Variants in KDM2A observed in about 807,000 individuals in gnomAD.
KDM2A encodes the protein lysine demethylase 2A.
Under a neutral mutation model 137.3 loss-of-function variants are expected in KDM2A, and 3 were observed. That is an observed-to-expected ratio of 0.02 (90% CI 0.01 to 0.06). The LOEUF (loss-of-function observed/expected upper bound fraction) is 0.06, where lower values mean the gene tolerates loss of function less well. KDM2A is among the 10% of genes least tolerant of loss of function. The probability of loss-of-function intolerance (pLI) is 1.00; values close to 1 mark genes in which losing one functional copy is unlikely to be tolerated. For synonymous variants in KDM2A, 512 were observed against 541.5 expected (o/e 0.95, Z 0.76); for missense variants, 738 against 1,510.6 (o/e 0.49, Z 8.48).
At chr11:67,139,530 C>T (rs1856046712) in intron 2 of KDM2A, among the ~76,000 whole-genome samples, 1 of 152,120 alleles carries the variant, frequency 6.6e-6, no homozygotes. Flanking sequence ...CAGGCGTGAG[C>T]CACTGCACCC....
chr11:67,203,470 A>T (rs547068085), intron 5 of KDM2A, among the ~76,000 whole-genome samples: 69 of 147,586 alleles, frequency 4.7e-4, no homozygotes, highest in East Asian at 1.6e-3. Context: ...TTAATTATTA[A>T]TAATTATTAA....
At chr11:67,252,073 A>G (rs992022873) in intron 17 of KDM2A, among the ~76,000 whole-genome samples, 11 of 152,200 alleles carry the variant, frequency 7.2e-5, no homozygotes, top group African/African-American at 1.7e-4. Context: ...AGCCAGGCCT[A>G]TCCCTTTCAG....
Position 67,214,361 on chromosome 11 carries a change from C to T in KDM2A, c.487-979C>T, listed in dbSNP as rs530193916. On this transcript the variant is annotated intron_variant, in intron 6 of 20. Coordinates refer to ENST00000529006, the MANE Select transcript of KDM2A (RefSeq NM_012308.3). The stretch of plus-strand genomic sequence containing the variant: ...CTGGGACTACGGGCGCCCGCCACCA[C>T]GCCTGGCTAATTTTTTGTATTTTTA... 1.0e-2 allele frequency among the ~76,000 whole-genome samples: 1,520 copies of T among 152,182 alleles called. 9 individuals are homozygous for T. The highest frequency in any genetic ancestry group is 0.014 in the Non-Finnish European group (956 of 68,004).
chr11:67,127,516 T>G (rs995290331), intron 2 of KDM2A, among the ~76,000 whole-genome samples: 1 of 152,120 alleles, frequency 6.6e-6, no homozygotes, highest in Admixed American at 6.6e-5. Flanking sequence ...TAAAAGATGT[T>G]ATTATCGCAT....
intron 12 of KDM2A, among the ~76,000 whole-genome samples, chr11:67,237,606 TTTTG>T (rs758631016): frequency 1.3e-4 from 20 of 152,050 alleles, no homozygotes; most frequent in Admixed American, 3.9e-4. Flanking sequence ...CAACTCAGCT[TTTTG>T]TTTGTTTGTT....
intron 10 of KDM2A, among the ~76,000 whole-genome samples, chr11:67,224,319 G>C (rs1285812161): frequency 6.6e-6 from 1 of 152,132 alleles, no homozygotes; most frequent in Non-Finnish European, 1.5e-5. Context: ...AAAGAAAGCT[G>C]TATGGCCAGA....
At chr11:67,223,260 A>G (rs1454873342) in intron 10 of KDM2A, among the ~76,000 whole-genome samples, 1 of 152,072 alleles carries the variant, frequency 6.6e-6, no homozygotes, top group Non-Finnish European at 1.5e-5. Flanking sequence ...ATGCGGCATA[A>G]GTAAAAAGCA....
chr11:67,234,189 C>T (rs1411002434), intron 12 of KDM2A, among the ~76,000 whole-genome samples: 3 of 152,178 alleles, frequency 2.0e-5, no homozygotes, highest in Admixed American at 2.0e-4. Context: ...GCTTGAATAC[C>T]TTGAGAATCT....
chr11:67,178,046 A>C (rs999746113), intron 2 of KDM2A, among the ~76,000 whole-genome samples: 2 of 152,204 alleles, frequency 1.3e-5, no homozygotes, highest in Non-Finnish European at 2.9e-5. Context: ...CTTGCAGTAT[A>C]AGCAACATTT....
intron 10 of KDM2A, among the ~76,000 whole-genome samples, chr11:67,224,937 G>A (rs1590803864): frequency 6.9e-6 from 1 of 144,198 alleles, no homozygotes; most frequent in South Asian, 2.2e-4. Flanking sequence ...CACCTCCCAG[G>A]TTCAAACAAT....
chr11:67,250,310 G>T lies in KDM2A; in HGVS notation c.2280G>T (p.Arg760=). The T allele has an allele frequency of 1.2e-6, 2 of 1,613,934 alleles. No individual in the cohort carries two copies. Among genetic ancestry groups the T allele is most frequent in the Non-Finnish European group, 1.7e-6 (2 of 1,179,898 alleles). Reference sequence around the variant, plus strand: ...GCCGCGATGAGCGCTTCAAACGGCGGCAGTTGCTGCGGCTGCAGGCCACAG... The same window carrying T: ...GCCGCGATGAGCGCTTCAAACGGCGTCAGTTGCTGCGGCTGCAGGCCACAG... ...SASRDERFKR[R]QLLRLQATER... Residue 760 remains arginine (R), a synonymous_variant, in exon 17 of 21, where the codon CGG becomes CGT. Coordinates refer to ENST00000529006, the MANE Select transcript of KDM2A (RefSeq NM_012308.3). This position sits in a 1 kb window ranked among gnomAD's most constrained non-coding sequence, Gnocchi z 7.1.
Position 67,254,993 on chromosome 11 carries a change from G to T in KDM2A, c.3427G>T (p.Asp1143Tyr), listed in dbSNP as rs1257214843. 6.2e-7 allele frequency: 1 copy of T among 1,613,582 alleles called. No homozygotes were observed. Among genetic ancestry groups the T allele is most frequent in the South Asian group, 1.1e-5 (1 of 90,976 alleles). Residue 1143 changes from aspartate to tyrosine, a missense_variant, in exon 21 of 21, where the codon GAC becomes TAC. Asp to Tyr is a radical substitution (Grantham distance 160). This residue lies in a region of KDM2A where 166 missense variants were observed against 324.0 expected (regional missense o/e 0.51). Coordinates refer to ENST00000529006, the MANE Select transcript of KDM2A (RefSeq NM_012308.3). The surrounding 1 kb of genome is among the most constrained non-coding windows in gnomAD (Gnocchi z 4.7). ...AAAAGCCTGCGAGCACTTCATCTCAGACTTGTCCATCAACAGCCTCTACTG... is the reference window on the plus strand; with the variant it reads ...AAAAGCCTGCGAGCACTTCATCTCATACTTGTCCATCAACAGCCTCTACTG... ...TRKACEHFIS[D>Y]LSINSLYCLS...
At chr11:67,170,706 C>T (rs1254492731) in intron 2 of KDM2A, among the ~76,000 whole-genome samples, 5 of 152,116 alleles carry the variant, frequency 3.3e-5, no homozygotes, top group Non-Finnish European at 5.9e-5. Flanking sequence ...AGCCACCGCA[C>T]CTGGCCCAAG....
At chr11:67,218,775 T>C (rs1858245039) in intron 9 of KDM2A, among the ~76,000 whole-genome samples, 1 of 152,066 alleles carries the variant, frequency 6.6e-6, no homozygotes, top group Admixed American at 6.6e-5. Context: ...CATGCCCAGC[T>C]AATTTTTGTA....
chr11:67,216,299 A>C (rs1356760222), intron 8 of KDM2A, among the ~76,000 whole-genome samples: 1 of 152,236 alleles, frequency 6.6e-6, no homozygotes, highest in East Asian at 1.9e-4. Context: ...GGGAACACGA[A>C]TTTTGGATAG....
At chr11:67,217,630 C>T in intron 8 of KDM2A, 101 bp from the exon 9 acceptor site, 1 of 1,215,278 alleles carries the variant, frequency 8.2e-7, no homozygotes, top group South Asian at 1.3e-5. Context: ...GCTTGCCTTT[C>T]TTCTACCTGG....
At chr11:67,141,560 G>A (rs1486155699) in intron 2 of KDM2A, among the ~76,000 whole-genome samples, 1 of 150,568 alleles carries the variant, frequency 6.6e-6, no homozygotes, top group Non-Finnish European at 1.5e-5. Context: ...CCAGCTGCTC[G>A]GGAGGCTAAG....
At chr11:67,230,116 C>T (rs1487541092) in intron 11 of KDM2A, among the ~76,000 whole-genome samples, 1 of 150,726 alleles carries the variant, frequency 6.6e-6, no homozygotes, top group African/African-American at 2.4e-5. Context: ...GTGGAGCTTG[C>T]AGTGAGCTGA....
At chr11:67,183,114 T>A (rs72928932) in intron 5 of KDM2A, among the ~76,000 whole-genome samples, 2 of 152,194 alleles carry the variant, frequency 1.3e-5, no homozygotes, top group Admixed American at 6.5e-5. Context: ...CCTTACTGTT[T>A]CTGTTTTAAA....
Sources: gnomAD v4.1 joint callset for allele counts (sites outside exome capture counted in the v4.1 genomes callset) on GRCh38, gnomAD v4.1.1 for gene constraint, gnomAD v4.1.1 regional missense constraint, Gnocchi (gnomAD v3.1) non-coding constraint, MANE v1.5 for transcripts, NCBI Gene and HGNC (gene_info 2026-07-23, HGNC 2026-07-21) for gene names.